The following ULK4 variants were observed in gnomAD, a reference collection of about 807,000 sequenced individuals.
ULK4 encodes the protein inactive serine/threonine-protein kinase ULK4.
Under a neutral mutation model 160.6 loss-of-function variants are expected in ULK4, and 133 were observed. The observed-to-expected ratio is 0.83, with a 90% CI of 0.72 to 0.96. The LOEUF is 0.96. Ranked by LOEUF, ULK4 falls within the 40% of genes least tolerant of loss-of-function variation. ULK4 has a pLI of 0.00. For missense variants in ULK4, 1,580 were observed against 1,499.5 expected, an observed-to-expected ratio of 1.05 and a Z score of -0.89; for synonymous variants, 534 against 539.8, an observed-to-expected ratio of 0.99 and a Z score of 0.15.
At chr3:41,604,567 T>C (rs917597757) in intron 31 of ULK4, among the ~76,000 whole-genome samples, 2 of 152,128 alleles carry the variant, frequency 1.3e-5, no homozygotes, top group Non-Finnish European at 2.9e-5. Context: ...GGGCCCTACA[T>C]ATTCATAATA....
intron 23 of ULK4, among the ~76,000 whole-genome samples, chr3:41,717,490 A>T (rs1022410411): frequency 2.0e-5 from 3 of 152,178 alleles, no homozygotes; most frequent in African/African-American, 7.2e-5. Flanking sequence ...TGGCCAGTTT[A>T]CCTCGGATCA....
chr3:41,706,767 GT>G (rs2036902172), intron 25 of ULK4, among the ~76,000 whole-genome samples: 1 of 148,836 alleles, frequency 6.7e-6, no homozygotes, highest in Admixed American at 6.8e-5. Flanking sequence ...AGCGGAGGTT[GT>G]AGTGAGCCAA....
rs573003691 is a variant in ULK4 at position 41,581,364 on chromosome 3, C to T, written c.3121-15234G>A. ...TTTGGACACAATGAATGGATTATAGCTAAGCTCCAACATAAAAATAACAAG... is the reference window on the plus strand; with the variant it reads ...TTTGGACACAATGAATGGATTATAGTTAAGCTCCAACATAAAAATAACAAG... On this transcript the variant is annotated intron_variant, in intron 31 of 36. Transcript: ENST00000301831. 6.6e-5 allele frequency among the ~76,000 whole-genome samples: 10 copies of T among 152,226 alleles called. No individual in the cohort carries two copies. In the South Asian group the frequency reaches 2.1e-3, roughly 32 times the overall value.
At chr3:41,407,771 G>A (rs1455608320) in intron 34 of ULK4, among the ~76,000 whole-genome samples, 3 of 152,290 alleles carry the variant, frequency 2.0e-5, no homozygotes, top group Non-Finnish European at 4.4e-5. Flanking sequence ...TGGCAAAAGA[G>A]TGAACTCCCT....
intron 31 of ULK4, among the ~76,000 whole-genome samples, chr3:41,606,688 C>T (rs776871546): frequency 6.6e-6 from 1 of 151,894 alleles, no homozygotes; most frequent in African/African-American, 2.4e-5. Flanking sequence ...ATTCTCATCA[C>T]GATTTTGATT....
At position 41,911,540 on chromosome 3, in the gene ULK4, C is replaced by A. The variant is rs369151469; in HGVS notation, c.1015+1G>T. The A allele has an allele frequency of 6.2e-7, 1 of 1,612,378 alleles. No homozygotes were observed. The highest frequency in any genetic ancestry group is 1.3e-5 in the African/African-American group (1 of 75,010). ...CATGAATGTGCTCAAATAAAACTTA[C>A]CTAGTCTGAAAGAGTGACCTAGTGG... On this transcript the variant is annotated splice_donor_variant, in intron 10 of 36. Coordinates refer to ENST00000301831, the MANE Select transcript of ULK4 (RefSeq NM_017886.4). LOFTEE classifies it high-confidence loss of function.
intron 17 of ULK4, among the ~76,000 whole-genome samples, chr3:41,872,881 G>A (rs760332439): frequency 2.8e-4 from 42 of 152,078 alleles, no homozygotes; most frequent in African/African-American, 9.7e-4. Flanking sequence ...TCGGCTGGGC[G>A]CAGTGGCTCA....
chr3:41,767,988 C>T (rs1464330287), intron 21 of ULK4, among the ~76,000 whole-genome samples: 2 of 152,106 alleles, frequency 1.3e-5, no homozygotes, highest in East Asian at 1.9e-4. Context: ...AGAAGGTGAG[C>T]GGTGGGCGAG....
chr3:41,650,255 C>T (rs1198799015), intron 30 of ULK4, among the ~76,000 whole-genome samples: 1 of 152,206 alleles, frequency 6.6e-6, no homozygotes, highest in African/African-American at 2.4e-5. Flanking sequence ...TCAGGACCCA[C>T]CAAATGCCAG....
intron 18 of ULK4, among the ~76,000 whole-genome samples, chr3:41,826,170 G>A (rs1480065029): frequency 6.6e-6 from 1 of 152,122 alleles, no homozygotes; most frequent in Admixed American, 6.6e-5. Flanking sequence ...CACTAAACAT[G>A]GAAAGACCAA....
chr3:41,393,894 G>C (rs1278833521), intron 35 of ULK4, among the ~76,000 whole-genome samples: 1 of 152,108 alleles, frequency 6.6e-6, no homozygotes, highest in Non-Finnish European at 1.5e-5. Flanking sequence ...TCCAACCTGG[G>C]CTTGATACCA....
intron 19 of ULK4, among the ~76,000 whole-genome samples, chr3:41,805,023 G>A (rs2125611368): frequency 6.6e-6 from 1 of 152,308 alleles, no homozygotes; most frequent in South Asian, 2.1e-4. Context: ...TGTGAAGAAA[G>A]TCATTGGTAG....
chr3:41,553,139 C>T (rs2087139825), intron 32 of ULK4, among the ~76,000 whole-genome samples: 3 of 151,906 alleles, frequency 2.0e-5, no homozygotes, highest in Admixed American at 1.3e-4. Flanking sequence ...AGACCAGAAA[C>T]CATAATATTA....
intron 31 of ULK4, among the ~76,000 whole-genome samples, chr3:41,578,733 C>T (rs1408145239): frequency 2.6e-5 from 4 of 152,236 alleles, no homozygotes; most frequent in East Asian, 3.9e-4. Context: ...GAAGAAGGGA[C>T]TAATAAACCC....
intron 32 of ULK4, among the ~76,000 whole-genome samples, chr3:41,527,992 C>A (rs1575360660): frequency 6.6e-6 from 1 of 152,258 alleles, no homozygotes; most frequent in South Asian, 2.1e-4. Context: ...ATGTATGACA[C>A]AGCTATGTGG....
At chr3:41,557,491 G>T (rs2087342552) in intron 32 of ULK4, among the ~76,000 whole-genome samples, 1 of 151,910 alleles carries the variant, frequency 6.6e-6, no homozygotes, top group Non-Finnish European at 1.5e-5. Context: ...GCCAGGCATG[G>T]TGGCTCACAC....
intron 35 of ULK4, among the ~76,000 whole-genome samples, chr3:41,336,458 G>T (rs988210674): frequency 6.6e-6 from 1 of 152,192 alleles, no homozygotes; most frequent in Non-Finnish European, 1.5e-5. Context: ...CTTCTATTCT[G>T]TGTCACTTCT....
intron 7 of ULK4, 76 bp from the exon 8 acceptor site, chr3:41,916,128 A>G: frequency 2.2e-6 from 2 of 917,250 alleles, no homozygotes; most frequent in Admixed American, 5.4e-5. Flanking sequence ...CTCTTACATC[A>G]ACATTTAAAG....
At position 41,654,421 on chromosome 3, in the gene ULK4, T is replaced by A. The variant is rs1171585874; in HGVS notation, c.3071+9186A>T. Among the ~76,000 whole-genome samples, 8 of 152,348 alleles carry A rather than the reference T, an allele frequency of 5.3e-5. No homozygotes were observed. In the South Asian group the frequency reaches 1.4e-3, roughly 28 times the overall value. ...TTTTCAACAGTAAAATAAAATGTTA[T>A]GCTCAAAACTGTTAAATGATAATCT... On this transcript the variant is annotated intron_variant, in intron 30 of 36. Transcript: ENST00000301831.
Sources: allele counts gnomAD v4.1 joint callset (sites outside exome capture counted in the v4.1 genomes callset), GRCh38; gene constraint gnomAD v4.1.1; transcripts MANE v1.5; gene names NCBI Gene and HGNC (gene_info 2026-07-23, HGNC 2026-07-21).